Variants in B3GALT1 observed in about 807,000 individuals in gnomAD.
The protein encoded by B3GALT1 is UDP-Gal:betaGlcNAc beta 1,3-galactosyltransferase, polypeptide 1.
A neutral mutation model predicts 23.2 loss-of-function variants in B3GALT1; 10 were observed. The ratio of observed to expected loss-of-function variants is 0.43; its 90% confidence interval spans 0.27 to 0.73. The LOEUF is 0.73. Ranked by LOEUF, B3GALT1 falls within the 30% of genes least tolerant of loss-of-function variation. The probability of loss-of-function intolerance (pLI) is 0.21; values close to 1 mark genes in which losing one functional copy is unlikely to be tolerated. For synonymous variants in B3GALT1, 156 were observed against 141.5 expected (o/e 1.10, Z -0.73); for missense variants, 299 against 405.4 (o/e 0.74, Z 2.25).
At chr2:167,825,995 C>T (rs754565819) in intron 4 of B3GALT1, among the ~76,000 whole-genome samples, 5 of 152,196 alleles carry the variant, frequency 3.3e-5, no homozygotes, top group Non-Finnish European at 7.3e-5. Flanking sequence ...GTCCAATAAG[C>T]TAAGGCCTTA....
chr2:167,305,206 C>T (rs771018117), intron 1 of B3GALT1, among the ~76,000 whole-genome samples: 8 of 152,098 alleles, frequency 5.3e-5, no homozygotes, highest in Admixed American at 2.0e-4. Flanking sequence ...CATACAGACA[C>T]GAAATATTTT....
intron 3 of B3GALT1, among the ~76,000 whole-genome samples, chr2:167,695,967 A>G (rs1331241534): frequency 6.6e-6 from 1 of 152,144 alleles, no homozygotes; most frequent in Non-Finnish European, 1.5e-5. Context: ...AAGAAGTTAT[A>G]CACATCCCTT....
intron 1 of B3GALT1, among the ~76,000 whole-genome samples, chr2:167,380,501 A>G (rs1313363379): frequency 6.6e-6 from 1 of 152,118 alleles, no homozygotes; most frequent in Non-Finnish European, 1.5e-5. Flanking sequence ...GGAAGCCCCT[A>G]TTCCACTCCA....
intron 1 of B3GALT1, among the ~76,000 whole-genome samples, chr2:167,397,362 A>G (rs540281303): frequency 1.3e-5 from 2 of 151,532 alleles, no homozygotes; most frequent in East Asian, 3.9e-4. Context: ...TGCTGAGCCC[A>G]TTTTTCCTGA....
At chr2:167,607,959 A>G (rs1370092818) in intron 2 of B3GALT1, among the ~76,000 whole-genome samples, 2 of 152,118 alleles carry the variant, frequency 1.3e-5, no homozygotes, top group Non-Finnish European at 2.9e-5. Flanking sequence ...TTCCATCCCA[A>G]TTATACTGTG....
chr2:167,614,058 CAAT>C (rs1364385763), intron 2 of B3GALT1, among the ~76,000 whole-genome samples: 1 of 150,804 alleles, frequency 6.6e-6, no homozygotes, highest in Non-Finnish European at 1.5e-5. Flanking sequence ...TGTAATAAAA[CAAT>C]AACACTAAAT....
chr2:167,717,869 C>T (rs987954954), intron 3 of B3GALT1, among the ~76,000 whole-genome samples: 3 of 152,096 alleles, frequency 2.0e-5, no homozygotes, highest in African/African-American at 4.8e-5. Context: ...AATGTCTATC[C>T]GTCTGTCTCT....
At chr2:167,640,891 G>A (rs568408569) in intron 2 of B3GALT1, among the ~76,000 whole-genome samples, 2 of 152,022 alleles carry the variant, frequency 1.3e-5, no homozygotes, top group Admixed American at 6.6e-5. Context: ...ATGAACATTC[G>A]GATAAATTGT....
At chr2:167,348,932 T>C (rs1697265564) in intron 1 of B3GALT1, among the ~76,000 whole-genome samples, 1 of 152,190 alleles carries the variant, frequency 6.6e-6, no homozygotes, top group African/African-American at 2.4e-5. Context: ...CTGGGCTTGA[T>C]TAATCTTTTG....
chr2:167,851,809 A>T (rs1334221925), intron 4 of B3GALT1, among the ~76,000 whole-genome samples: 1 of 152,198 alleles, frequency 6.6e-6, no homozygotes, highest in Non-Finnish European at 1.5e-5. Flanking sequence ...GGGAACCAGA[A>T]GCATTGGCAC....
At chr2:167,715,009 C>T in intron 3 of B3GALT1, 6 of 1,611,562 alleles carry the variant, frequency 3.7e-6, no homozygotes, top group Non-Finnish European at 5.1e-6. Flanking sequence ...TTTTAATATG[C>T]TCGGTAAGCT....
chr2:167,543,331 G>C (rs1019082404), intron 2 of B3GALT1, among the ~76,000 whole-genome samples: 3 of 152,114 alleles, frequency 2.0e-5, no homozygotes, highest in African/African-American at 7.2e-5. Flanking sequence ...CAGCAGCTGA[G>C]ATAAAATTAA....
At chr2:167,307,113 C>G (rs1476558300) in intron 1 of B3GALT1, among the ~76,000 whole-genome samples, 2 of 151,548 alleles carry the variant, frequency 1.3e-5, no homozygotes, top group African/African-American at 4.8e-5. Flanking sequence ...TTTGATATAT[C>G]CTAAAAAAGA....
chr2:167,597,687 C>T (rs916648685), intron 2 of B3GALT1, among the ~76,000 whole-genome samples: 3 of 152,146 alleles, frequency 2.0e-5, no homozygotes, highest in Admixed American at 6.5e-5. Flanking sequence ...TTGAAGCAAA[C>T]CCCTAGGGTT....
chr2:167,688,152 C>G (rs1229326711), intron 3 of B3GALT1, among the ~76,000 whole-genome samples: 1 of 152,128 alleles, frequency 6.6e-6, no homozygotes, highest in Non-Finnish European at 1.5e-5. Flanking sequence ...ATTCTAGACT[C>G]AGCTCTCAGT....
intron 2 of B3GALT1, among the ~76,000 whole-genome samples, chr2:167,563,562 T>C (rs576674712): frequency 0.16 from 34 of 216 alleles, 4 homozygotes; most frequent in East Asian, 1. Context: ...CCCTCCCGGA[T>C]GGGGCGGGCT....
chr2:167,666,794 A>G (rs1018890492), intron 3 of B3GALT1, among the ~76,000 whole-genome samples: 6 of 151,532 alleles, frequency 4.0e-5, no homozygotes, highest in Admixed American at 6.6e-5. Flanking sequence ...TTTGCTTTCC[A>G]TTTGCTTGGT....
chr2:167,487,035 AG>A (rs1699638308), intron 1 of B3GALT1, among the ~76,000 whole-genome samples: 1 of 152,272 alleles, frequency 6.6e-6, no homozygotes. Flanking sequence ...GTATACAAAC[AG>A]GAACTATAAT....
At chr2:167,366,932 G>A (rs1181749931) in intron 1 of B3GALT1, among the ~76,000 whole-genome samples, 1 of 152,182 alleles carries the variant, frequency 6.6e-6, no homozygotes, top group African/African-American at 2.4e-5. Flanking sequence ...AAGGTGCCAG[G>A]CCTTCTGAAG....
Sources: allele counts gnomAD v4.1 joint callset (sites outside exome capture counted in the v4.1 genomes callset), GRCh38; gene constraint gnomAD v4.1.1; transcripts MANE v1.5; gene names NCBI Gene and HGNC (gene_info 2026-07-23, HGNC 2026-07-21).